The following UGGT2 variants were observed in gnomAD, a reference collection of about 807,000 sequenced individuals.
The protein encoded by UGGT2 is UDP-glucose glycoprotein glucosyltransferase 2, also known as UDP-glucose:glycoprotein glucosyltransferase 2.
Under a neutral mutation model 192.1 loss-of-function variants are expected in UGGT2, and 180 were observed. The ratio of observed to expected loss-of-function variants is 0.94; its 90% CI spans 0.83 to 1.06. The LOEUF (loss-of-function observed/expected upper bound fraction) is 1.06. Ranked by LOEUF, UGGT2 falls within the 50% of genes least tolerant of loss-of-function variation. The pLI, the probability that UGGT2 is intolerant of heterozygous loss-of-function variation, is 0.00. For synonymous variants in UGGT2, 580 were observed against 591.0 expected, an observed-to-expected ratio of 0.98 and a Z score of 0.27; for missense variants, 1,849 against 1,795.7, an observed-to-expected ratio of 1.03 and a Z score of -0.54.
chr13:95,941,598 TACTA>T (rs1684728943), intron 15 of UGGT2, among the ~76,000 whole-genome samples: 1 of 152,218 alleles, frequency 6.6e-6, no homozygotes, highest in Non-Finnish European at 1.5e-5. Context: ...TTAGTCATTT[TACTA>T]ACTAGTCACC....
chr13:95,835,403 A>T (rs1219710647), intron 37 of UGGT2, among the ~76,000 whole-genome samples: 1 of 152,228 alleles, frequency 6.6e-6, no homozygotes, highest in Non-Finnish European at 1.5e-5. Flanking sequence ...CTACTGTATG[A>T]GCCACAACAG....
intron 10 of UGGT2, among the ~76,000 whole-genome samples, chr13:95,978,285 C>T (rs1012275077): frequency 3.3e-5 from 5 of 152,090 alleles, no homozygotes; most frequent in African/African-American, 9.7e-5. Flanking sequence ...ATTTCCCTGA[C>T]GATTAGTGAT....
chr13:95,859,588 T>C lies in UGGT2; in HGVS notation c.3825+3A>G. 2 of 1,606,082 alleles carry C rather than the reference T, an allele frequency of 1.2e-6. No individual in the cohort carries two copies. Among genetic ancestry groups the C allele is most frequent in the Non-Finnish European group, 1.7e-6 (2 of 1,175,150 alleles). On this transcript the variant is annotated splice_donor_region_variant and intron_variant, in intron 33 of 38. Coordinates refer to ENST00000376747, the MANE Select transcript of UGGT2 (RefSeq NM_020121.4). Reference sequence around the variant, plus strand: ...CATTCTACAAAAAAAGCTATGTACTTACTTTAAATGTCGGTGAGAGATAAT... The same window carrying C: ...CATTCTACAAAAAAAGCTATGTACTCACTTTAAATGTCGGTGAGAGATAAT...
In UGGT2 at chr13:96,053,203, G is replaced by C. The variant is rs572303288; in HGVS notation, c.110C>G (p.Ala37Gly). 6.5e-7 allele frequency: 1 copy of C among 1,530,902 alleles called. No individual in the cohort carries two copies. 94.8% of individuals were successfully genotyped at this position (1,530,902 alleles called of 1,614,324 possible). Reference protein sequence around the residue: ...GTVAASKSVTAHLAAKWPETP... With the variant: ...GTVAASKSVTGHLAAKWPETP... The stretch of plus-strand genomic sequence containing the variant: ...CTCGGGCCACTTCGCGGCCAAGTGG[G>C]CAGTCACCGACTTGGACGCGGCGAC... Residue 37 changes from alanine (A) to glycine (G), a missense_variant, in exon 1 of 39, where the codon GCC becomes GGC. Coordinates refer to ENST00000376747, the MANE Select transcript of UGGT2 (RefSeq NM_020121.4).
At chr13:95,916,976 G>A (rs920903787) in intron 20 of UGGT2, among the ~76,000 whole-genome samples, 3 of 151,988 alleles carry the variant, frequency 2.0e-5, no homozygotes, top group Non-Finnish European at 4.4e-5. Context: ...ACATACTTGA[G>A]GATATTCATC....
chr13:96,040,374 C>T (rs2053130275), intron 1 of UGGT2, among the ~76,000 whole-genome samples: 1 of 152,116 alleles, frequency 6.6e-6, no homozygotes, highest in Non-Finnish European at 1.5e-5. Context: ...CTTCACATGG[C>T]CTTCTCCTTT....
intron 38 of UGGT2, among the ~76,000 whole-genome samples, chr13:95,806,887 T>G (rs1365817950): frequency 6.6e-6 from 1 of 152,140 alleles, no homozygotes; most frequent in Non-Finnish European, 1.5e-5. Flanking sequence ...AAATTAAAGA[T>G]AGATTTAAAA....
chr13:95,884,683 G>A lies in UGGT2; in HGVS notation c.3039-3C>T, dbSNP rs751487138. 1.9e-6 allele frequency: 3 copies of A among 1,594,150 alleles called. No individual in the cohort carries two copies. Among genetic ancestry groups the A allele is most frequent in the South Asian group, 2.3e-5 (2 of 86,742 alleles). On this transcript the variant is annotated splice_polypyrimidine_tract_variant and splice_region_variant and intron_variant, in intron 26 of 38. Transcript: ENST00000376747. The stretch of plus-strand genomic sequence containing the variant: ...GTTCCAGAACAAAACGGTAAAAGCT[G>A]TTAATAAAACATAAAAATACATAAT...
intron 1 of UGGT2, among the ~76,000 whole-genome samples, chr13:96,038,511 C>G (rs968437712): frequency 2.6e-5 from 4 of 152,056 alleles, no homozygotes; most frequent in African/African-American, 9.7e-5. Flanking sequence ...ACACCATTAC[C>G]CAAGGATCCT....
At chr13:96,032,284 T>C (rs546056440) in intron 1 of UGGT2, among the ~76,000 whole-genome samples, 1 of 152,060 alleles carries the variant, frequency 6.6e-6, no homozygotes, top group East Asian at 1.9e-4. Context: ...CCATATGAAA[T>C]GCCACTGAGA....
intron 15 of UGGT2, among the ~76,000 whole-genome samples, chr13:95,941,630 CATAAA>C (rs1864981824): frequency 6.6e-6 from 1 of 152,250 alleles, no homozygotes; most frequent in African/African-American, 2.4e-5. Flanking sequence ...ATTAGATACT[CATAAA>C]ATAAGGTAGT....
chr13:95,973,183 AAAATAAT>A (rs1475878621), intron 10 of UGGT2, among the ~76,000 whole-genome samples: 1 of 146,214 alleles, frequency 6.8e-6, no homozygotes, highest in Non-Finnish European at 1.5e-5. Flanking sequence ...AAAAATAAAT[AAAATAAT>A]AAATAATAAA....
chr13:95,940,202 TACACATAC>T (rs2049620448), intron 15 of UGGT2, 111 bp from the exon 16 acceptor site: 2 of 704,220 alleles, frequency 2.8e-6, no homozygotes, highest in Non-Finnish European at 4.3e-6. Flanking sequence ...ATATACTAAC[TACACATAC>T]ACACATACCA....
chr13:95,943,055 T>G (rs930560212), intron 15 of UGGT2, among the ~76,000 whole-genome samples: 1 of 152,146 alleles, frequency 6.6e-6, no homozygotes, highest in African/African-American at 2.4e-5. Context: ...TCTTAAGTTT[T>G]GGGACCCCCA....
chr13:96,004,984 C>T (rs1216206866), intron 5 of UGGT2, among the ~76,000 whole-genome samples: 1 of 151,950 alleles, frequency 6.6e-6, no homozygotes, highest in Non-Finnish European at 1.5e-5. Flanking sequence ...TTTAAAAGAA[C>T]ACTCCAATTG....
chr13:96,008,596 T>C (rs2052056568), intron 5 of UGGT2, among the ~76,000 whole-genome samples: 1 of 152,106 alleles, frequency 6.6e-6, no homozygotes, highest in Non-Finnish European at 1.5e-5. Flanking sequence ...ACATCCAAAC[T>C]GGCAGCCAAA....
At chr13:95,954,467 T>TAA (rs1229230032) in intron 12 of UGGT2, among the ~76,000 whole-genome samples, 3 of 152,190 alleles carry the variant, frequency 2.0e-5, no homozygotes, top group African/African-American at 7.2e-5. Context: ...ATAGAACAGA[T>TAA]GCTTTAAGTC....
At chr13:95,972,906 T>C (rs1461142964) in intron 10 of UGGT2, among the ~76,000 whole-genome samples, 1 of 152,228 alleles carries the variant, frequency 6.6e-6, no homozygotes, top group Non-Finnish European at 1.5e-5. Context: ...CGTGGCGGCT[T>C]ACGCCTGTAA....
intron 8 of UGGT2, 63 bp from the exon 9 acceptor site, chr13:95,986,495 G>A: frequency 2.6e-6 from 3 of 1,168,366 alleles, no homozygotes; most frequent in Non-Finnish European, 3.7e-6. Flanking sequence ...ACATTTCCAT[G>A]AAATTGAAAT....
Sources: allele counts gnomAD v4.1 joint callset (sites outside exome capture counted in the v4.1 genomes callset), GRCh38; gene constraint gnomAD v4.1.1; transcripts MANE v1.5; gene names NCBI Gene and HGNC (gene_info 2026-07-23, HGNC 2026-07-21).